Variants in MYOCOS observed in about 807,000 individuals in gnomAD.
MYOCOS encodes the protein myocilin opposite strand.
At chr1:171,608,566 T>G (rs1029848846) in intron 1 of MYOCOS, among the ~76,000 whole-genome samples, 2 of 151,868 alleles carry the variant, frequency 1.3e-5, no homozygotes, top group East Asian at 3.9e-4. Context: ...TACAGGCACC[T>G]GCTACCATGC....
At chr1:171,614,909 T>C (rs1004268674) in exon 2 of MYOCOS, 1 of 151,688 alleles carries the variant, frequency 6.6e-6, no homozygotes, top group Non-Finnish European at 1.5e-5. Flanking sequence ...CAGGCAGAGG[T>C]CTGAGCAAAT....
Position 171,626,853 on chromosome 1 carries a change from G to T in MYOCOS, c.*252G>T. ...GTTATGCTATAGAACTGTTGCTGTA[G>T]TCAGTTGTATTTAAATTAATAAACA... On this transcript the variant is annotated 3_prime_UTR_variant, in exon 3 of 3. Transcript: ENST00000637642. 1 of 315,514 alleles carries T rather than the reference G, an allele frequency of 3.2e-6. No homozygotes were observed. The allele number at this position is 315,514 out of a possible 1,614,324, so 19.5% of individuals were successfully genotyped here.
intron 1 of MYOCOS, among the ~76,000 whole-genome samples, chr1:171,611,343 G>A (rs931218178): frequency 6.6e-6 from 1 of 152,110 alleles, no homozygotes; most frequent in Non-Finnish European, 1.5e-5. Context: ...GGCCCTACTT[G>A]TGCACAATTC....
At chr1:171,611,199 G>T (rs755201868) in intron 1 of MYOCOS, among the ~76,000 whole-genome samples, 2 of 152,164 alleles carry the variant, frequency 1.3e-5, no homozygotes, top group Non-Finnish European at 2.9e-5. Context: ...AACCAAACTT[G>T]AGGGTTTTCT....
At chr1:171,604,003 C>T (rs952166030) in intron 1 of MYOCOS, 3 of 152,224 alleles carry the variant, frequency 2.0e-5, no homozygotes, top group Admixed American at 2.0e-4. Flanking sequence ...CGCATAACCA[C>T]TGAAGTTTGC....
At chr1:171,606,130 G>GTAATAGAAATA (rs1419398826) in intron 1 of MYOCOS, among the ~76,000 whole-genome samples, 2 of 152,150 alleles carry the variant, frequency 1.3e-5, no homozygotes, top group African/African-American at 4.8e-5. Context: ...TCTTATAATA[G>GTAATAGAAATA]GAGTTATAAT....
intron 1 of MYOCOS, among the ~76,000 whole-genome samples, chr1:171,606,130 G>A (rs1037231037): frequency 6.6e-6 from 1 of 152,150 alleles, no homozygotes; most frequent in African/African-American, 2.4e-5. Flanking sequence ...TCTTATAATA[G>A]GAGTTATAAT....
chr1:171,616,795 G>T (rs1407010159), intron 2 of MYOCOS, among the ~76,000 whole-genome samples: 1 of 152,180 alleles, frequency 6.6e-6, no homozygotes, highest in African/African-American at 2.4e-5. Context: ...TTTGGTCAAG[G>T]ATAGGCTGAG....
intron 2 of MYOCOS, among the ~76,000 whole-genome samples, chr1:171,624,325 C>T: frequency 6.6e-6 from 1 of 152,046 alleles, no homozygotes; most frequent in East Asian, 1.9e-4. Context: ...TTCAGTGGTG[C>T]AATCACAGCT....
intron 1 of MYOCOS, among the ~76,000 whole-genome samples, chr1:171,613,383 C>G (rs2102935204): frequency 6.6e-6 from 1 of 152,262 alleles, no homozygotes; most frequent in South Asian, 2.1e-4. Flanking sequence ...GTTCTAGTCT[C>G]CAACAGAGAG....
upstream of MYOCOS, among the ~76,000 whole-genome samples, chr1:171,620,466 T>C (rs1182141009): frequency 6.6e-6 from 1 of 152,164 alleles, no homozygotes; most frequent in African/African-American, 2.4e-5. Context: ...TCAATTAACA[T>C]AGCTAGATAT....
intron 1 of MYOCOS, among the ~76,000 whole-genome samples, chr1:171,604,623 C>T (rs1004007627): frequency 1.3e-5 from 2 of 152,066 alleles, no homozygotes; most frequent in African/African-American, 2.4e-5. Context: ...AAAGAAAGGT[C>T]CCCAAAAATG....
chr1:171,607,959 G>C (rs2102933140), intron 1 of MYOCOS, among the ~76,000 whole-genome samples: 1 of 152,270 alleles, frequency 6.6e-6, no homozygotes, highest in Non-Finnish European at 1.5e-5. Context: ...AAGGCAAAAG[G>C]CACATCTTAC....
chr1:171,602,827 T>G (rs1572200546), intron 1 of MYOCOS, among the ~76,000 whole-genome samples: 3 of 152,312 alleles, frequency 2.0e-5, no homozygotes, highest in Admixed American at 2.0e-4. Context: ...AAACATTCAT[T>G]TTACTAGAGG....
At position 171,623,821 on chromosome 1, in the gene MYOCOS, CT is replaced by C. The variant is rs745421797; in HGVS notation, c.-43-18del. Reference sequence around the variant, plus strand: ...GACCCCTGAAGCATGTGTGCCAGCTCTTGTGTTTTGCATTCACAGGTGCAGT... The same window carrying C: ...GACCCCTGAAGCATGTGTGCCAGCTCTGTGTTTTGCATTCACAGGTGCAGT... On this transcript the variant is annotated intron_variant, in intron 1 of 2. Transcript: ENST00000637642. 36 of 398,372 alleles carry C rather than the reference CT, an allele frequency of 9.0e-5. 3 individuals are homozygous for C. Among genetic ancestry groups the C allele is most frequent in the East Asian group, 3.6e-4 (10 of 28,066 alleles). The allele number at this position is 398,372 out of a possible 1,614,324, so 24.7% of individuals were successfully genotyped here.
intron 1 of MYOCOS, among the ~76,000 whole-genome samples, chr1:171,612,686 C>T (rs529416805): frequency 7.8e-4 from 119 of 152,020 alleles, no homozygotes; most frequent in Non-Finnish European, 1.1e-3. Flanking sequence ...AAAAATTAGC[C>T]GGCCGTGGTG....
upstream of MYOCOS, among the ~76,000 whole-genome samples, chr1:171,620,887 A>T (rs550801699): frequency 6.8e-6 from 1 of 147,618 alleles, no homozygotes; most frequent in African/African-American, 2.5e-5. Context: ...CTCCTGCCTC[A>T]GCCTCCCGAG....
intron 1 of MYOCOS, chr1:171,604,007 A>G (rs1210930276): frequency 6.6e-6 from 1 of 152,274 alleles, no homozygotes; most frequent in Non-Finnish European, 1.5e-5. Flanking sequence ...TAACCACTGA[A>G]GTTTGCAACA....
intron 1 of MYOCOS, among the ~76,000 whole-genome samples, chr1:171,608,308 G>A (rs976956164): frequency 1.3e-5 from 2 of 151,722 alleles, no homozygotes; most frequent in South Asian, 2.1e-4. Context: ...ACGTTCACCT[G>A]AGATGCTAAT....
Sources: gnomAD v4.1 joint callset for allele counts (sites outside exome capture counted in the v4.1 genomes callset) on GRCh38, gnomAD v4.1.1 for gene constraint, MANE v1.5 for transcripts, NCBI Gene and HGNC (gene_info 2026-07-23, HGNC 2026-07-21) for gene names.